The following ACOXL variants were observed in gnomAD, a reference collection of about 807,000 sequenced individuals.
The protein encoded by ACOXL is acyl-CoA oxidase like, also known as acyl-coenzyme A oxidase-like protein.
Under a neutral mutation model 71.9 loss-of-function variants are expected in ACOXL, and 70 were observed. The ratio of observed to expected loss-of-function variants is 0.97; its 90% CI spans 0.80 to 1.19. The LOEUF (loss-of-function observed/expected upper bound fraction) is 1.19. Among genes scored for constraint, ACOXL ranks in the 50% most tolerant of loss-of-function variants. The probability of loss-of-function intolerance (pLI) is 0.00; values close to 1 mark genes in which losing one functional copy is unlikely to be tolerated. For synonymous variants in ACOXL, 253 were observed against 281.6 expected, an observed-to-expected ratio of 0.90 and a Z score of 1.02; for missense variants, 703 against 736.3, an observed-to-expected ratio of 0.95 and a Z score of 0.52.
chr2:110,915,420 A>AT (rs1558722050), intron 11 of ACOXL, among the ~76,000 whole-genome samples: 6 of 128,634 alleles, frequency 4.7e-5, no homozygotes, highest in African/African-American at 1.6e-4. Context: ...ATATATATAT[A>AT]TATATATATT....
intron 17 of ACOXL, among the ~76,000 whole-genome samples, chr2:111,115,206 C>CA (rs2070260830): frequency 6.6e-6 from 1 of 152,118 alleles, no homozygotes; most frequent in African/African-American, 2.4e-5. Context: ...ACTGGCAGGG[C>CA]AGAGGACCCC....
intron 13 of ACOXL, among the ~76,000 whole-genome samples, chr2:110,993,681 C>A (rs557337252): frequency 6.6e-6 from 1 of 152,224 alleles, no homozygotes; most frequent in African/African-American, 2.4e-5. Flanking sequence ...GGTATGTGTT[C>A]ATTTATTTTT....
intron 12 of ACOXL, among the ~76,000 whole-genome samples, chr2:110,942,611 C>A (rs886159071): frequency 6.6e-6 from 1 of 151,870 alleles, no homozygotes; most frequent in Non-Finnish European, 1.5e-5. Context: ...TGTGGCCAGG[C>A]GCCATGGTTC....
At chr2:111,035,729 T>A (rs1410111948) in intron 15 of ACOXL, among the ~76,000 whole-genome samples, 1 of 152,254 alleles carries the variant, frequency 6.6e-6, no homozygotes, top group Non-Finnish European at 1.5e-5. Flanking sequence ...CTCAAGGATG[T>A]ATTTGTTTTG....
intron 15 of ACOXL, among the ~76,000 whole-genome samples, chr2:111,042,913 G>A (rs906506934): frequency 1.3e-5 from 2 of 152,238 alleles, no homozygotes; most frequent in African/African-American, 2.4e-5. Context: ...AGAGGTCGTG[G>A]CAGTGGGGGT....
At chr2:110,773,101 A>G (rs1170025992) in intron 2 of ACOXL, among the ~76,000 whole-genome samples, 2 of 152,198 alleles carry the variant, frequency 1.3e-5, no homozygotes, top group African/African-American at 4.8e-5. Flanking sequence ...ATCGTCTACT[A>G]TTTTCTCAGG....
intron 14 of ACOXL, among the ~76,000 whole-genome samples, chr2:111,025,730 G>A (rs2064991633): frequency 6.6e-6 from 1 of 152,138 alleles, no homozygotes; most frequent in African/African-American, 2.4e-5. Flanking sequence ...AGATTGCATA[G>A]ATTTTTGCCT....
intron 15 of ACOXL, among the ~76,000 whole-genome samples, chr2:111,041,982 G>C (rs546703841): frequency 1.5e-4 from 23 of 152,306 alleles, no homozygotes; most frequent in Admixed American, 4.6e-4. Flanking sequence ...GTGGAGAGAG[G>C]GCAGCTGCTT....
chr2:111,118,114 G>T lies in ACOXL; in HGVS notation c.*298G>T. 1 of 499,112 alleles carries T rather than the reference G, an allele frequency of 2.0e-6. No individual in the cohort carries two copies. Among genetic ancestry groups the T allele is most frequent in the Non-Finnish European group, 3.6e-6 (1 of 280,348 alleles). The allele number at this position is 499,112 out of a possible 1,614,324, so 30.9% of individuals were successfully genotyped here. On this transcript the variant is annotated 3_prime_UTR_variant, in exon 18 of 18. Transcript: ENST00000439055. ...CGGATCCCCTAGACAATCAGGGTGGGCTCCCCGCTGCGAGCGCGCCCCACA... is the reference window on the plus strand; with the variant it reads ...CGGATCCCCTAGACAATCAGGGTGGTCTCCCCGCTGCGAGCGCGCCCCACA...
At chr2:111,080,583 ACC>A (rs1350900719) in intron 16 of ACOXL, among the ~76,000 whole-genome samples, 1 of 152,214 alleles carries the variant, frequency 6.6e-6, no homozygotes, top group African/African-American at 2.4e-5. Context: ...GCCAAATTCT[ACC>A]AGAGGTACAA....
At chr2:111,035,465 A>T (rs1375944899) in intron 15 of ACOXL, among the ~76,000 whole-genome samples, 1 of 152,210 alleles carries the variant, frequency 6.6e-6, no homozygotes, top group Non-Finnish European at 1.5e-5. Context: ...ATTCCTAAAC[A>T]AAAAAGGAGA....
At position 110,794,154 on chromosome 2, in the gene ACOXL, A is replaced by G. The variant is rs201529913; in HGVS notation, c.325A>G (p.Thr109Ala). 489 of 1,613,978 alleles carry G rather than the reference A, an allele frequency of 3.0e-4. No homozygotes were observed. Among genetic ancestry groups the G allele is most frequent in the Non-Finnish European group, 3.9e-4 (462 of 1,180,018 alleles). ...CGCGAGAGGGATCCAGACCGAAGCC[A>G]CCTTTGACCTCTCTGCCCAGGTGAG... Reference protein sequence around the residue: ...SNARGIQTEATFDLSAQEFVI... With the variant: ...SNARGIQTEAAFDLSAQEFVI... Residue 109 changes from threonine to alanine, a missense_variant, in exon 5 of 18, where the codon ACC becomes GCC. By Grantham distance (58) the Thr-to-Ala change is moderately conservative (BLOSUM62 0). Transcript: ENST00000439055.
At chr2:110,774,360 T>C (rs954206114) in intron 2 of ACOXL, among the ~76,000 whole-genome samples, 1 of 152,040 alleles carries the variant, frequency 6.6e-6, no homozygotes, top group Non-Finnish European at 1.5e-5. Context: ...AAAAATCAAG[T>C]GTGGTAAATT....
chr2:111,008,850 CT>C (rs891240011), intron 14 of ACOXL, among the ~76,000 whole-genome samples: 6 of 152,082 alleles, frequency 3.9e-5, no homozygotes, highest in African/African-American at 1.4e-4. Flanking sequence ...ATTATGAGTG[CT>C]TTTGAGCAGT....
At position 110,766,031 on chromosome 2, in the gene ACOXL, G is replaced by GT. The variant is rs566023989; in HGVS notation, c.-22-2330dup. ...TTGCACTTCTTTGATACAATTTTCT[G>GT]TTTTTTTCCCCATTTATTTCAAGAG... On this transcript the variant is annotated intron_variant, in intron 1 of 17. Coordinates refer to ENST00000439055, the MANE Select transcript of ACOXL (RefSeq NM_001142807.4). 9.2e-5 allele frequency among the ~76,000 whole-genome samples: 14 copies of GT among 151,960 alleles called. 1 individual carries two copies. In the South Asian group the frequency reaches 2.5e-3, roughly 27 times the overall value.
At chr2:110,930,517 A>G (rs2060441383) in intron 11 of ACOXL, among the ~76,000 whole-genome samples, 1 of 152,192 alleles carries the variant, frequency 6.6e-6, no homozygotes, top group Non-Finnish European at 1.5e-5. Context: ...GAAATGACTT[A>G]AGACTTTGGG....
At chr2:110,777,262 G>C (rs987736624) in intron 2 of ACOXL, among the ~76,000 whole-genome samples, 20 of 152,170 alleles carry the variant, frequency 1.3e-4, no homozygotes, top group African/African-American at 4.3e-4. Context: ...AGAAGGGGAG[G>C]CCCAAGGGTG....
intron 14 of ACOXL, among the ~76,000 whole-genome samples, chr2:111,022,432 C>T (rs1300781109): frequency 6.6e-6 from 1 of 151,730 alleles, no homozygotes. Context: ...CACACACACA[C>T]ACACACACAC....
intron 2 of ACOXL, among the ~76,000 whole-genome samples, chr2:110,771,224 G>C (rs555046306): frequency 6.6e-6 from 1 of 152,148 alleles, no homozygotes; most frequent in African/African-American, 2.4e-5. Context: ...CATGAGACTC[G>C]GCAGCACATC....
Sources: allele counts gnomAD v4.1 joint callset (sites outside exome capture counted in the v4.1 genomes callset), GRCh38; gene constraint gnomAD v4.1.1; transcripts MANE v1.5; gene names NCBI Gene and HGNC (gene_info 2026-07-23, HGNC 2026-07-21).